The following GOLGA8B variants were observed in gnomAD, a reference collection of about 807,000 sequenced individuals.
GOLGA8B encodes golgin subfamily A member 8B.
In GOLGA8B, 1 loss-of-function variant was observed where a neutral mutation model predicts 15.6. The ratio of observed to expected loss-of-function variants is 0.06; its 90% CI spans 0.02 to 0.30. The LOEUF (loss-of-function observed/expected upper bound fraction) is 0.30, where lower values mean the gene tolerates loss of function less well. GOLGA8B is among the 10% of genes least tolerant of loss of function. The pLI, the probability that GOLGA8B is intolerant of heterozygous loss-of-function variation, is 1.00. For synonymous variants in GOLGA8B, 9 were observed against 80.3 expected (o/e 0.11, Z 4.75); for missense variants, 17 against 201.3 (o/e 0.08, Z 5.54).
chr15:34,554,016 A>G (rs1308032667), intron 1 of GOLGA8B, 60 bp from the exon 2 acceptor site: 3 of 124,510 alleles, frequency 2.4e-5, no homozygotes, highest in Non-Finnish European at 5.1e-5. Flanking sequence ...TTTAAAAAAC[A>G]AAAGGTAGCT....
intron 1 of GOLGA8B, among the ~76,000 whole-genome samples, chr15:34,581,960 A>G (rs1459123654): frequency 1.3e-5 from 2 of 152,018 alleles, no homozygotes; most frequent in Non-Finnish European, 2.9e-5. Flanking sequence ...ACACAGCTGC[A>G]AGGTCCAGCT....
At chr15:34,565,670 T>TC in intron 1 of GOLGA8B, among the ~76,000 whole-genome samples, 1 of 2,792 alleles carries the variant, frequency 3.6e-4, no homozygotes, top group South Asian at 2.9e-3. Flanking sequence ...TTTCTTTCTT[T>TC]CTTTCTTTCT....
intron 1 of GOLGA8B, among the ~76,000 whole-genome samples, chr15:34,571,788 T>C (rs990455764): frequency 6.6e-6 from 1 of 152,030 alleles, no homozygotes; most frequent in South Asian, 2.1e-4. Flanking sequence ...GATACAAAAT[T>C]CAGGAGTAAT....
chr15:34,573,534 CTCAAAAAA>C (rs1187242142), intron 1 of GOLGA8B, among the ~76,000 whole-genome samples: 132 of 54,478 alleles, frequency 2.4e-3, no homozygotes, highest in East Asian at 1.4e-3. Flanking sequence ...GAGACTCCGT[CTCAAAAAA>C]AAAAAAAAAA....
chr15:34,579,666 G>A (rs936488007), intron 1 of GOLGA8B, among the ~76,000 whole-genome samples: 4 of 152,192 alleles, frequency 2.6e-5, no homozygotes, highest in African/African-American at 9.7e-5. Flanking sequence ...GTAAGGGTCT[G>A]TGCTACATTC....
At chr15:34,577,136 G>A (rs952416101) in intron 1 of GOLGA8B, among the ~76,000 whole-genome samples, 2 of 152,006 alleles carry the variant, frequency 1.3e-5, no homozygotes, top group African/African-American at 4.8e-5. Flanking sequence ...CCACACCCGT[G>A]ACAGCTGCCA....
At chr15:34,566,473 C>A (rs1408434920) in intron 1 of GOLGA8B, 1 of 142,612 alleles carries the variant, frequency 7.0e-6, no homozygotes, top group Non-Finnish European at 1.6e-5. Context: ...TAACCACGAG[C>A]CTGGGGTATC....
intron 1 of GOLGA8B, among the ~76,000 whole-genome samples, chr15:34,568,777 T>C (rs1265506438): frequency 1.2e-5 from 1 of 86,044 alleles, no homozygotes; most frequent in Non-Finnish European, 2.1e-5. Context: ...GTCAAGTATA[T>C]TGACTCATAA....
chr15:34,577,507 TACACACACACACACACACAC>T (rs71119972), intron 1 of GOLGA8B, among the ~76,000 whole-genome samples: 9,075 of 125,300 alleles, frequency 0.072, 357 homozygotes, highest in South Asian at 0.15. Context: ...TTATATATCA[TACACACACACACACACACAC>T]ACACACACAC....
intron 1 of GOLGA8B, among the ~76,000 whole-genome samples, chr15:34,581,918 A>C (rs1158269548): frequency 6.6e-6 from 1 of 152,038 alleles, no homozygotes; most frequent in African/African-American, 2.4e-5. Context: ...GCCCCCCAAC[A>C]GTACTGCTAG....
At chr15:34,582,001 A>C (rs981478233) in intron 1 of GOLGA8B, among the ~76,000 whole-genome samples, 2 of 152,054 alleles carry the variant, frequency 1.3e-5, no homozygotes, top group Non-Finnish European at 2.9e-5. Context: ...CACTGCCCGG[A>C]GCCCCAGCAA....
chr15:34,576,328 T>A (rs1049634158), intron 1 of GOLGA8B, among the ~76,000 whole-genome samples: 10 of 152,194 alleles, frequency 6.6e-5, no homozygotes. Flanking sequence ...GGCACGCCTG[T>A]GATCAAGAAG....
chr15:34,582,674 C>G (rs1479704762), intron 1 of GOLGA8B: 16 of 152,342 alleles, frequency 1.1e-4, no homozygotes, highest in Non-Finnish European at 2.2e-4. Context: ...AGGACAGGCC[C>G]CTCGGCGGGC....
intron 1 of GOLGA8B, among the ~76,000 whole-genome samples, chr15:34,564,658 T>G (rs1012696570): frequency 1.4e-5 from 2 of 145,376 alleles, no homozygotes; most frequent in Non-Finnish European, 3.2e-5. Context: ...GTGAATGTTA[T>G]GGTCTTGATT....
At position 34,527,462 on chromosome 15, in the gene GOLGA8B, C is replaced by G. The variant is rs1163971378; in HGVS notation, c.*170G>C. ...AACATCAGTGAGAGGCACAGAGACC[C>G]ACTCTCTTTTAACTTTTTACAAATA... is the stretch of plus-strand genomic sequence containing the variant. On this transcript the variant is annotated 3_prime_UTR_variant, in exon 24 of 24. Coordinates refer to ENST00000683415, the MANE Select transcript of GOLGA8B (RefSeq NM_001023567.5). 2.8e-6 allele frequency: 2 copies of G among 724,318 alleles called. No individual in the cohort carries two copies. The highest frequency in any genetic ancestry group is 3.7e-5 in the Admixed American group (1 of 27,372). 44.9% of individuals were successfully genotyped at this position (724,318 alleles called of 1,614,324 possible).
At chr15:34,571,606 G>T (rs1288668235) in intron 1 of GOLGA8B, among the ~76,000 whole-genome samples, 1 of 131,252 alleles carries the variant, frequency 7.6e-6, no homozygotes, top group Non-Finnish European at 1.7e-5. Context: ...AAATTAGGTT[G>T]GAATCGTATA....
chr15:34,580,772 C>T (rs1241462675), intron 1 of GOLGA8B, among the ~76,000 whole-genome samples: 1 of 152,162 alleles, frequency 6.6e-6, no homozygotes, highest in Non-Finnish European at 1.5e-5. Context: ...GAACATTGAG[C>T]ACCCCCAGCC....
chr15:34,551,877 G>A (rs201744117), intron 3 of GOLGA8B, among the ~76,000 whole-genome samples: 2 of 104,454 alleles, frequency 1.9e-5, no homozygotes, highest in Non-Finnish European at 3.8e-5. Flanking sequence ...AGTTAGGTGG[G>A]AGCTCTTGGA....
chr15:34,554,395 ACACAC>A (rs1340834780), intron 1 of GOLGA8B, among the ~76,000 whole-genome samples: 1 of 148,856 alleles, frequency 6.7e-6, no homozygotes, highest in African/African-American at 2.5e-5. Context: ...CCCACCTCAT[ACACAC>A]CACACACATA....
Sources: gnomAD v4.1 joint callset for allele counts (sites outside exome capture counted in the v4.1 genomes callset) on GRCh38, gnomAD v4.1.1 for gene constraint, MANE v1.5 for transcripts, NCBI Gene and HGNC (gene_info 2026-07-23, HGNC 2026-07-21) for gene names.